Variants in ARHGEF4 observed in about 807,000 individuals in gnomAD.
ARHGEF4 encodes Rho guanine nucleotide exchange factor 4.
ARHGEF4 carries 119 observed loss-of-function variants against 162.0 expected under a neutral mutation model. That is an observed-to-expected ratio of 0.73 (90% CI 0.63 to 0.86). ARHGEF4 has a LOEUF of 0.86. Ranked by LOEUF, ARHGEF4 falls within the 40% of genes least tolerant of loss-of-function variation. The pLI, the probability that ARHGEF4 is intolerant of heterozygous loss-of-function variation, is 0.00. For synonymous variants in ARHGEF4, 1,014 were observed against 979.9 expected, an observed-to-expected ratio of 1.03 and a Z score of -0.65; for missense variants, 2,488 against 2,456.0, an observed-to-expected ratio of 1.01 and a Z score of -0.28.
chr2:131,026,790 T>G (rs912882728), intron 4 of ARHGEF4, among the ~76,000 whole-genome samples: 4 of 152,166 alleles, frequency 2.6e-5, no homozygotes, highest in South Asian at 2.1e-4. Context: ...TGCGCCGCTT[T>G]CAGGTTCTGG....
intron 12 of ARHGEF4, among the ~76,000 whole-genome samples, chr2:131,045,096 A>G (rs906248727): frequency 1.3e-5 from 2 of 152,144 alleles, no homozygotes; most frequent in African/African-American, 2.4e-5. Flanking sequence ...GACACTAGAC[A>G]TGGAGTGAAG....
chr2:130,905,706 C>A (rs942566219), intron 1 of ARHGEF4, among the ~76,000 whole-genome samples: 1 of 152,078 alleles, frequency 6.6e-6, no homozygotes, highest in African/African-American at 2.4e-5. Context: ...GAGAAAGAGA[C>A]CACAGTCACA....
At position 130,946,588 on chromosome 2, in the gene ARHGEF4, CA is replaced by C; in HGVS notation, c.3940del (p.Thr1314ArgfsTer3). On this transcript the variant is annotated frameshift_variant, in exon 4 of 14. Transcript: ENST00000409359. LOFTEE classifies it high-confidence loss of function. The stretch of plus-strand genomic sequence containing the variant: ...AGCCATCCACTCTCCCAGAGTGCTC[CA>C]ACGGGACTGAACCACATGGGCTGGC... ...RRSHPLSQSA[P>X]TGLNHMGWPE... 6.2e-7 allele frequency: 1 copy of C among 1,614,100 alleles called. No homozygotes were observed. The highest frequency in any genetic ancestry group is 8.5e-7 in the Non-Finnish European group (1 of 1,179,986).
Position 130,916,961 on chromosome 2 carries a change from A to T in ARHGEF4, c.3015A>T (p.Ala1005=). 6.4e-7 allele frequency: 1 copy of T among 1,550,728 alleles called. No individual in the cohort carries two copies. The part of the protein sequence containing the change: ...KEGYVFSDHW[A]PPLASTPLSS... ...GCTATGTTTTTAGCGATCACTGGGCACCCCCACTTGCCTCCACACCTTTGT... is the reference window on the plus strand; with the variant it reads ...GCTATGTTTTTAGCGATCACTGGGCTCCCCCACTTGCCTCCACACCTTTGT... Residue 1005 remains alanine (A), a synonymous_variant, in exon 2 of 14, where the codon GCA becomes GCT. Coordinates refer to ENST00000409359, the MANE Select transcript of ARHGEF4 (RefSeq NM_001367493.1).
At chr2:130,929,607 T>C (rs1682500894) in intron 2 of ARHGEF4, among the ~76,000 whole-genome samples, 1 of 152,176 alleles carries the variant, frequency 6.6e-6, no homozygotes, top group Non-Finnish European at 1.5e-5. Flanking sequence ...ATTTTCCATG[T>C]ACTTACCTAC....
At chr2:130,890,416 A>G (rs1431644749) in intron 1 of ARHGEF4, among the ~76,000 whole-genome samples, 3 of 152,042 alleles carry the variant, frequency 2.0e-5, no homozygotes, top group Non-Finnish European at 2.9e-5. Context: ...ACAAAAATTA[A>G]CCAGGTGTGG....
intron 5 of ARHGEF4, among the ~76,000 whole-genome samples, chr2:131,031,442 T>C (rs1689846012): frequency 6.6e-6 from 1 of 152,134 alleles, no homozygotes; most frequent in South Asian, 2.1e-4. Flanking sequence ...ACATGTAACG[T>C]GTGTAGTGAG....
intron 4 of ARHGEF4, among the ~76,000 whole-genome samples, chr2:130,956,520 C>T (rs62178902): frequency 0.041 from 6,224 of 150,538 alleles, 141 homozygotes; most frequent in Middle Eastern, 0.071. Flanking sequence ...CACATGCACA[C>T]GTATGTTTAT....
chr2:130,843,889 C>T (rs781185192), intron 1 of ARHGEF4, among the ~76,000 whole-genome samples: 2 of 152,206 alleles, frequency 1.3e-5, no homozygotes, highest in Non-Finnish European at 2.9e-5. Flanking sequence ...TTTCTAGAGA[C>T]ATGAACTCCT....
At position 130,853,795 on chromosome 2, in the gene ARHGEF4, G is replaced by A. The variant is rs115484200; in HGVS notation, c.39+16803G>A. Reference sequence around the variant, plus strand: ...GTGGGAAAACCACACAAGCCCTGCCGTCATCCCAGGAATGGTGGGCCCTAC... The same window carrying A: ...GTGGGAAAACCACACAAGCCCTGCCATCATCCCAGGAATGGTGGGCCCTAC... On this transcript the variant is annotated intron_variant, in intron 1 of 13. Coordinates refer to ENST00000409359, the MANE Select transcript of ARHGEF4 (RefSeq NM_001367493.1). 5.6e-3 allele frequency among the ~76,000 whole-genome samples: 854 copies of A among 152,316 alleles called. 7 individuals are homozygous for A. Among genetic ancestry groups the A allele is most frequent in the African/African-American group, 0.018 (750 of 41,556 alleles).
chr2:130,851,539 C>T (rs1431282411), intron 1 of ARHGEF4, among the ~76,000 whole-genome samples: 1 of 152,216 alleles, frequency 6.6e-6, no homozygotes, highest in Non-Finnish European at 1.5e-5. Context: ...TGCTCCGGGC[C>T]TGAGTGGGCG....
At chr2:130,956,862 A>G (rs886147928) in intron 4 of ARHGEF4, among the ~76,000 whole-genome samples, 1 of 151,830 alleles carries the variant, frequency 6.6e-6, no homozygotes, top group African/African-American at 2.4e-5. Context: ...AGATAGACCT[A>G]ATGCCAAATC....
At chr2:131,028,440 C>G (rs1466699302) in intron 5 of ARHGEF4, among the ~76,000 whole-genome samples, 3 of 152,206 alleles carry the variant, frequency 2.0e-5, no homozygotes, top group African/African-American at 7.2e-5. Flanking sequence ...ACTCCAGCCC[C>G]TGACCCCCCA....
At chr2:131,019,758 T>C (rs969788030) in intron 4 of ARHGEF4, among the ~76,000 whole-genome samples, 79 of 152,090 alleles carry the variant, frequency 5.2e-4, no homozygotes, top group Non-Finnish European at 9.6e-4. Context: ...CTCAGCCTCC[T>C]GAATAGCTGG....
Position 130,931,182 on chromosome 2 carries a change from G to A in ARHGEF4, c.3783G>A (p.Gln1261=), listed in dbSNP as rs773849907. 6.2e-7 allele frequency: 1 copy of A among 1,614,118 alleles called. No individual in the cohort carries two copies. Residue 1261 remains glutamine, a synonymous_variant, in exon 3 of 14, where the codon CAG becomes CAA. Transcript: ENST00000409359. ...ATGACCTGTGGCTGGAGAAGACACA[G>A]AGAAAGAAGTTGCAGAAGCAGGCCC... ...SVDDLWLEKT[Q]RKKLQKQAHV... is the part of the protein sequence containing the mutation.
chr2:130,837,438 A>C (rs1001838386), intron 1 of ARHGEF4: 6 of 327,304 alleles, frequency 1.8e-5, no homozygotes, highest in African/African-American at 4.6e-5. Flanking sequence ...GGTACGGGAG[A>C]AGTGGTTGCT....
In ARHGEF4 at chr2:130,855,855, A is replaced by G. The variant is rs1001785995; in HGVS notation, c.39+18863A>G. 2.9e-5 allele frequency among the ~76,000 whole-genome samples: 4 copies of G among 136,220 alleles called. 1 individual carries two copies. The highest frequency in any genetic ancestry group is 1.3e-4 in the African/African-American group (4 of 30,116). The allele number at this position is 136,220 out of a possible 152,430, so 89.4% of individuals were successfully genotyped here. A position where few individuals can be genotyped will look rare whatever the true frequency, so the allele number is the denominator to read the frequency against. The stretch of plus-strand genomic sequence containing the variant: ...GTTTAAACAAATAAACAATTGACCA[A>G]TCAAACAACAACCATAACAATATCA... On this transcript the variant is annotated intron_variant, in intron 1 of 13. Transcript: ENST00000409359.
intron 5 of ARHGEF4, among the ~76,000 whole-genome samples, chr2:131,036,589 GC>G (rs1457435941): frequency 6.6e-6 from 1 of 152,178 alleles, no homozygotes; most frequent in African/African-American, 2.4e-5. Context: ...GGCCACCTAT[GC>G]CGGACCCAGT....
intron 2 of ARHGEF4, among the ~76,000 whole-genome samples, chr2:130,927,883 T>C (rs1245067014): frequency 6.6e-6 from 1 of 152,238 alleles, no homozygotes; most frequent in African/African-American, 2.4e-5. Context: ...GTCTATGCCA[T>C]CTTGTCCAGA....
Sources: allele counts gnomAD v4.1 joint callset (sites outside exome capture counted in the v4.1 genomes callset), GRCh38; gene constraint gnomAD v4.1.1; transcripts MANE v1.5; gene names NCBI Gene and HGNC (gene_info 2026-07-23, HGNC 2026-07-21).